MN1: variants seen among roughly 807,000 people sequenced by gnomAD.
MN1 encodes the protein MN1 proto-oncogene, transcriptional regulator.
In MN1, 19 loss-of-function variants were observed where a neutral mutation model predicts 86.9. The observed-to-expected ratio is 0.22, with a 90% CI of 0.15 to 0.32. The LOEUF is 0.32. Ranked by LOEUF, MN1 falls within the 10% of genes least tolerant of loss-of-function variation. The probability of loss-of-function intolerance (pLI) is 1.00; values close to 1 mark genes in which losing one functional copy is unlikely to be tolerated. For synonymous variants in MN1, 928 were observed against 849.6 expected (o/e 1.09, Z -1.60); for missense variants, 1,841 against 1,862.0 (o/e 0.99, Z 0.21).
chr22:27,755,724 G>A (rs1284421198), intron 1 of MN1, among the ~76,000 whole-genome samples: 4 of 152,108 alleles, frequency 2.6e-5, no homozygotes, highest in South Asian at 2.1e-4. Flanking sequence ...ACCCCGCTGC[G>A]ATCACGAGAC....
At chr22:27,767,776 TG>T (rs2146299710) in intron 1 of MN1, among the ~76,000 whole-genome samples, 1 of 152,018 alleles carries the variant, frequency 6.6e-6, no homozygotes, top group South Asian at 2.1e-4. Flanking sequence ...GTTAAGGGTT[TG>T]GGGGGTTTTG....
rs1933393951 is a variant in MN1 at position 27,799,702 on chromosome 22, CCCGCAGCTCTGGGCATGG to C, written c.824_841del (p.Ala275_Ala280del). 6.4e-7 allele frequency: 1 copy of C among 1,561,938 alleles called. No individual in the cohort carries two copies. Among genetic ancestry groups the C allele is most frequent in the Non-Finnish European group, 8.7e-7 (1 of 1,153,990 alleles). ...GTGCATTTTGGACAAGCCCACCATG[CCCGCAGCTCTGGGCATGG>C]CCGAGGCGCCCGGGAAAGCGCCCCC... is the stretch of plus-strand genomic sequence containing the variant. On this transcript the variant is annotated inframe_deletion, in exon 1 of 2. Coordinates refer to ENST00000302326, the MANE Select transcript of MN1 (RefSeq NM_002430.3).
At chr22:27,752,155 T>C (rs1324041532) in intron 1 of MN1, among the ~76,000 whole-genome samples, 1 of 152,186 alleles carries the variant, frequency 6.6e-6, no homozygotes, top group Non-Finnish European at 1.5e-5. Flanking sequence ...AATCCAGTTG[T>C]AGCTCCGCAA....
chr22:27,785,411 C>A (rs2283847), intron 1 of MN1, among the ~76,000 whole-genome samples: 1 of 152,098 alleles, frequency 6.6e-6, no homozygotes, highest in South Asian at 2.1e-4. Flanking sequence ...AGTCCTCCCC[C>A]ACATCTTACG....
chr22:27,793,834 G>A (rs45439497), intron 1 of MN1, among the ~76,000 whole-genome samples: 1,983 of 152,284 alleles, frequency 0.013, 49 homozygotes, highest in African/African-American at 0.045. Flanking sequence ...CCTCCAATCC[G>A]AGCACGGATC....
intron 1 of MN1, among the ~76,000 whole-genome samples, chr22:27,756,500 C>T (rs922875670): frequency 3.9e-5 from 6 of 152,138 alleles, no homozygotes; most frequent in Admixed American, 1.3e-4. Context: ...CCTCCTGCCC[C>T]GCTGCCTACC....
intron 1 of MN1, among the ~76,000 whole-genome samples, 162 bp downstream of exon 1, chr22:27,796,601 G>T (rs1933299890): frequency 6.6e-6 from 1 of 152,114 alleles, no homozygotes. Context: ...TGTCCTCACA[G>T]CCCTTGGTGT....
intron 1 of MN1, among the ~76,000 whole-genome samples, chr22:27,765,385 A>T (rs551756656): frequency 5.3e-5 from 8 of 150,522 alleles, no homozygotes; most frequent in Non-Finnish European, 1.0e-4. Context: ...TCAATAGAAC[A>T]TTATTAGGAG....
At position 27,750,176 on chromosome 22, in the gene MN1, G is replaced by T. The variant is rs1045228169; in HGVS notation, c.*739C>A. 8.6e-6 allele frequency: 2 copies of T among 231,290 alleles called. No individual in the cohort carries two copies. Among genetic ancestry groups the T allele is most frequent in the East Asian group, 6.1e-5 (1 of 16,368 alleles). The allele number at this position is 231,290 out of a possible 1,614,324, so 14.3% of individuals were successfully genotyped here. On this transcript the variant is annotated 3_prime_UTR_variant, in exon 2 of 2. Transcript: ENST00000302326. ...CTCACGTCCATCGCAGAGAGGGGCG[G>T]CTTCCAGCAGGAGAAGAGAGAACTC...
intron 1 of MN1, among the ~76,000 whole-genome samples, chr22:27,781,903 C>A (rs573451561): frequency 6.6e-6 from 1 of 152,226 alleles, no homozygotes; most frequent in African/African-American, 2.4e-5. Flanking sequence ...TCAGCCCGAG[C>A]CTGCCAGGTT....
chr22:27,799,635 G>GGGCTGC lies in MN1; in HGVS notation c.903_908dup (p.Pro303_Gln304dup). The GGGCTGC allele has an allele frequency of 6.5e-7, 1 of 1,545,716 alleles. No individual in the cohort carries two copies. The highest frequency in any genetic ancestry group is 1.4e-5 in the African/African-American group (1 of 72,670). On this transcript the variant is annotated inframe_insertion, in exon 1 of 2. Coordinates refer to ENST00000302326, the MANE Select transcript of MN1 (RefSeq NM_002430.3). The stretch of plus-strand genomic sequence containing the variant: ...CACCATGCTGCTGCTGCTGCTGCTG[G>GGGCTGC]GGCTGCTGCTGCTGCTGGGGCTGCT...
At chr22:27,763,658 C>T (rs1003669648) in intron 1 of MN1, among the ~76,000 whole-genome samples, 4 of 152,332 alleles carry the variant, frequency 2.6e-5, no homozygotes, top group African/African-American at 4.8e-5. Flanking sequence ...AGGGAGTCCT[C>T]GTGAGGCCAC....
intron 1 of MN1, among the ~76,000 whole-genome samples, chr22:27,773,109 C>T (rs1239462676): frequency 6.6e-6 from 1 of 151,878 alleles, no homozygotes; most frequent in Non-Finnish European, 1.5e-5. Flanking sequence ...ACTCCCATCC[C>T]CTACCCAGCC....
intron 1 of MN1, among the ~76,000 whole-genome samples, chr22:27,795,172 A>G (rs1933272582): frequency 6.6e-6 from 1 of 152,208 alleles, no homozygotes; most frequent in Non-Finnish European, 1.5e-5. Flanking sequence ...TCTGCTGTGC[A>G]TGCTAAACAC....
At chr22:27,751,983 G>A (rs890481786) in intron 1 of MN1, among the ~76,000 whole-genome samples, 6 of 152,178 alleles carry the variant, frequency 3.9e-5, no homozygotes, top group Admixed American at 2.6e-4. Context: ...GTGGGGGCAT[G>A]GGAGAAGAGG....
At position 27,749,485 on chromosome 22, in the gene MN1, C is replaced by T. The variant is rs895145942; in HGVS notation, c.*1430G>A. 1.3e-5 allele frequency: 3 copies of T among 232,230 alleles called. No individual in the cohort carries two copies. Among genetic ancestry groups the T allele is most frequent in the African/African-American group, 2.2e-5 (1 of 45,296 alleles). 14.4% of individuals were successfully genotyped at this position (232,230 alleles called of 1,614,324 possible). On this transcript the variant is annotated 3_prime_UTR_variant, in exon 2 of 2. Transcript: ENST00000302326. ...CACCGGGGAATCTATGTGCCCCCCACCACAAGCCATAAATGGCTTTTGCAG... is the reference window on the plus strand; with the variant it reads ...CACCGGGGAATCTATGTGCCCCCCATCACAAGCCATAAATGGCTTTTGCAG...
chr22:27,786,430 A>AACACACACAC (rs3831690), intron 1 of MN1, among the ~76,000 whole-genome samples: 6 of 148,938 alleles, frequency 4.0e-5, no homozygotes, highest in African/African-American at 1.5e-4. Context: ...TTAAAAGTTA[A>AACACACACAC]ACACACACAC....
Position 27,787,318 on chromosome 22 carries a change from T to C in MN1, c.3781+9445A>G, listed in dbSNP as rs141411363. On this transcript the variant is annotated intron_variant, in intron 1 of 1. Transcript: ENST00000302326. ...CAAATACTAAACAATCGCCAAAAGT[T>C]ACATTGCAGGGGATGAAAATGGCCA... 7.5e-3 allele frequency among the ~76,000 whole-genome samples: 1,149 copies of C among 152,330 alleles called. 19 individuals are homozygous for C. The highest frequency in any genetic ancestry group is 0.025 in the African/African-American group (1,058 of 41,574).
In MN1 at chr22:27,797,568, G is replaced by T. The variant is rs532575594; in HGVS notation, c.2976C>A (p.Gly992=). 1.9e-6 allele frequency: 3 copies of T among 1,604,630 alleles called. No individual in the cohort carries two copies. In the Admixed American group the frequency reaches 5.1e-5, roughly 27 times the overall value. Residue 992 remains glycine (G), a synonymous_variant, in exon 1 of 2, where the codon GGC becomes GGA. Coordinates refer to ENST00000302326, the MANE Select transcript of MN1 (RefSeq NM_002430.3). ...GGGGCGTCGGTGCCCCGCGCGTCTCGCCTGCGGAGCTTCCCCCGACGGCTG... is the reference window on the plus strand; with the variant it reads ...GGGGCGTCGGTGCCCCGCGCGTCTCTCCTGCGGAGCTTCCCCCGACGGCTG... The part of the protein sequence containing the change: ...SGAAVGGSSA[G]ETRGAPTPHE...
Sources: gnomAD v4.1 joint callset for allele counts (sites outside exome capture counted in the v4.1 genomes callset) on GRCh38, gnomAD v4.1.1 for gene constraint, MANE v1.5 for transcripts, NCBI Gene and HGNC (gene_info 2026-07-23, HGNC 2026-07-21) for gene names.